ALDH3A1: variants seen among roughly 807,000 people sequenced by gnomAD.
ALDH3A1 encodes the protein aldehyde dehydrogenase, dimeric NADP-preferring.
ALDH3A1 carries 46 observed loss-of-function variants against 49.9 expected under a neutral mutation model. The ratio of observed to expected loss-of-function variants is 0.92; its 90% CI spans 0.73 to 1.18. The LOEUF (loss-of-function observed/expected upper bound fraction) is 1.18. ALDH3A1 is among the 50% of genes most tolerant of loss of function. The probability of loss-of-function intolerance (pLI) is 0.00; values close to 1 mark genes in which losing one functional copy is unlikely to be tolerated. For synonymous variants in ALDH3A1, 269 were observed against 253.3 expected (o/e 1.06, Z -0.59); for missense variants, 592 against 611.8 (o/e 0.97, Z 0.34).
intron 1 of ALDH3A1, 42 bp from the exon 2 acceptor site, chr17:19,745,176 C>A (rs1373475646): frequency 3.3e-6 from 5 of 1,520,862 alleles, no homozygotes; most frequent in African/African-American, 1.4e-5. Flanking sequence ...GGGGCACGAG[C>A]GCGCCCTGCC....
At position 19,742,032 on chromosome 17, in the gene ALDH3A1, T is replaced by G. The variant is rs990378819; in HGVS notation, c.661A>C (p.Lys221Gln). 9 of 1,613,788 alleles carry G rather than the reference T, an allele frequency of 5.6e-6. No homozygotes were observed. Among genetic ancestry groups the G allele is most frequent in the African/African-American group, 2.7e-5 (2 of 74,896 alleles). ...LGGKSPCYVD[K>Q]NCDLDVACRR... ...CAGGCCACGTCCAGGTCACAGTTCT[T>G]GTCCACGTAGCAGGGACTCTTCCCT... The change falls in exon 5 of 11, where the codon AAG becomes CAG. Residue 221 changes from lysine to glutamine, a missense_variant. By Grantham distance (53) the Lys-to-Gln change is moderately conservative (BLOSUM62 1). Transcript: ENST00000225740.
rs2086428723 is a variant in ALDH3A1, at chr17:19,738,455, T to G, written c.1217-2A>C. 1.9e-6 allele frequency: 3 copies of G among 1,609,344 alleles called. No homozygotes were observed. Among genetic ancestry groups the G allele is most frequent in the Non-Finnish European group, 2.5e-6 (3 of 1,176,504 alleles). On this transcript the variant is annotated splice_acceptor_variant, in intron 9 of 10. Transcript: ENST00000225740. LOFTEE classifies it high-confidence loss of function. ...GGTAGGATCCCATGCCGCTGTTCCC[T>G]GCGGAGGAGAAGTAAGCACAGGGCT...
intron 8 of ALDH3A1, 117 bp downstream of exon 8, chr17:19,739,391 G>A: frequency 4.0e-6 from 5 of 1,260,876 alleles, no homozygotes; most frequent in Non-Finnish European, 5.5e-6. Context: ...AAGGAGCTCA[G>A]AAAGATCCAG....
rs1199517208 is a variant in ALDH3A1 at position 19,739,619 on chromosome 17, G to C, written c.1005C>G (p.Ile335Met). Residue 335 changes from isoleucine (I) to methionine (M), a missense_variant, in exon 8 of 11, where the codon ATC (isoleucine) becomes ATG (methionine). Coordinates refer to ENST00000225740, the MANE Select transcript of ALDH3A1 (RefSeq NM_000691.5). The part of the protein sequence containing the change: ...DPQSPVMQEE[I>M]FGPVLPIVCV... ...ACACGATGGGCAGCACAGGCCCGAA[G>C]ATCTCCTCTTGCATCACCGGGGACT... 4.3e-6 allele frequency: 7 copies of C among 1,613,892 alleles called. No individual in the cohort carries two copies. Among genetic ancestry groups the C allele is most frequent in the Non-Finnish European group, 5.9e-6 (7 of 1,179,986 alleles).
At chr17:19,744,914 C>CCCCCCCCCCCCCCCCCCG in intron 2 of ALDH3A1, 54 bp downstream of exon 2, 2 of 1,196,490 alleles carry the variant, frequency 1.7e-6, no homozygotes, top group East Asian at 4.2e-5. Context: ...CCTCCCCCCA[C>CCCCCCCCCCCCCCCCCCG]GCCCCATCGC....
In ALDH3A1 at chr17:19,738,446, G is replaced by A. The variant is rs1029360979; in HGVS notation, c.1224C>T (p.Ser408=). ...TCTTGCCATGGTAGGATCCCATGCC[G>A]CTGTTCCCTGCGGAGGAGAAGTAAG... is the stretch of plus-strand genomic sequence containing the variant. ...HSLPFGGVGN[S]GMGSYHGKKS... The change falls in exon 10 of 11, where the codon AGC becomes AGT. Residue 408 remains serine, a synonymous_variant. Coordinates refer to ENST00000225740, the MANE Select transcript of ALDH3A1 (RefSeq NM_000691.5). The A allele has an allele frequency of 5.6e-6, 9 of 1,611,372 alleles. No individual in the cohort carries two copies. Among genetic ancestry groups the A allele is most frequent in the South Asian group, 3.3e-5 (3 of 91,046 alleles).
chr17:19,738,661 A>G (rs1396257344), intron 9 of ALDH3A1: 2 of 713,444 alleles, frequency 2.8e-6, no homozygotes, highest in Non-Finnish European at 4.5e-6. Context: ...AGGGTGGCCA[A>G]TGTCTAGGGT....
chr17:19,739,352 C>T (rs2086447166), intron 8 of ALDH3A1, among the ~76,000 whole-genome samples, 156 bp downstream of exon 8: 1 of 152,258 alleles, frequency 6.6e-6, no homozygotes, highest in South Asian at 2.1e-4. Context: ...TCAGGTGATG[C>T]TGCTGTCCTG....
At chr17:19,744,910 C>CCCCACGCCCCATCG in intron 2 of ALDH3A1, 58 bp downstream of exon 2, 1 of 1,067,562 alleles carries the variant, frequency 9.4e-7, no homozygotes, top group Non-Finnish European at 1.2e-6. Context: ...AGCCCCTCCC[C>CCCCACGCCCCATCG]CCACGCCCCA....
chr17:19,739,537 C>T lies in ALDH3A1; in HGVS notation c.1087G>A (p.Ala363Thr), dbSNP rs760495322. Residue 363 changes from alanine to threonine, a missense_variant, in exon 8 of 11, where the codon GCC becomes ACC. Transcript: ENST00000225740. Reference protein sequence around the residue: ...QFINQREKPLALYMFSSNDKV... With the variant: ...QFINQREKPLTLYMFSSNDKV... Reference sequence around the variant, plus strand: ...TCGTTGCTGGAGAACATGTAGAGGGCCAGGGGCTTCTCACGCTGGTTGATG... The same window carrying T: ...TCGTTGCTGGAGAACATGTAGAGGGTCAGGGGCTTCTCACGCTGGTTGATG... 1 of 1,612,448 alleles carries T rather than the reference C, an allele frequency of 6.2e-7. No individual in the cohort carries two copies. Among genetic ancestry groups the T allele is most frequent in the Non-Finnish European group, 8.5e-7 (1 of 1,179,516 alleles).
chr17:19,742,529 C>G lies in ALDH3A1; in HGVS notation c.480+16G>C, dbSNP rs1567653141. 1.9e-6 allele frequency: 3 copies of G among 1,609,858 alleles called. No homozygotes were observed. The highest frequency in any genetic ancestry group is 1.1e-5 in the South Asian group (1 of 90,728). ...TATGAGGCCATGGAGTTACGAGGCC[C>G]TGGAGGGCAACTCACCTTGTCCAGG... is the stretch of plus-strand genomic sequence containing the variant. On this transcript the variant is annotated intron_variant, in intron 4 of 10. Transcript: ENST00000225740.
chr17:19,743,271 T>G lies in ALDH3A1; in HGVS notation c.355A>C (p.Asn119His). 1 of 1,613,982 alleles carries G rather than the reference T, an allele frequency of 6.2e-7. No individual in the cohort carries two copies. Among genetic ancestry groups the G allele is most frequent in the East Asian group, 2.2e-5 (1 of 44,862 alleles). The change falls in exon 3 of 11, where the codon AAC (asparagine) becomes CAC (histidine). Residue 119 changes from asparagine to histidine, a missense_variant. Transcript: ENST00000225740. This position sits in a 1 kb window ranked among gnomAD's most constrained non-coding sequence, Gnocchi z 4.4. ...CCCACCATGGGCTGGATGGTGAGGT[T>G]GAAGGGGTAGTTCCAGGTGCCAATG... ...LVIGTWNYPF[N>H]LTIQPMVGAI... is the part of the protein sequence containing the mutation.
rs960358731 is a variant in ALDH3A1 at position 19,743,623 on chromosome 17, A to C, written c.163-160T>G. ...GGCTCCCAGGGGAAGCAGAGCCAGG[A>C]TTAGCCGTTGGACCTGTGGGTCTGA... On this transcript the variant is annotated intron_variant, in intron 2 of 10. Coordinates refer to ENST00000225740, the MANE Select transcript of ALDH3A1 (RefSeq NM_000691.5). This position sits in a 1 kb window ranked among gnomAD's most constrained non-coding sequence, Gnocchi z 4.4. The C allele has an allele frequency of 7.7e-6, 11 of 1,427,856 alleles. No homozygotes were observed. The African/African-American group carries it at 1.6e-4, about 21-fold the overall frequency. The allele number at this position is 1,427,856 out of a possible 1,614,324, so 88.4% of individuals were successfully genotyped here.
Position 19,744,962 on chromosome 17 carries a change from G to A in ALDH3A1, c.162+6C>T. 2 of 1,315,500 alleles carry A rather than the reference G, an allele frequency of 1.5e-6. No individual in the cohort carries two copies. The highest frequency in any genetic ancestry group is 2.0e-6 in the Non-Finnish European group (2 of 1,017,192). 81.5% of individuals were successfully genotyped at this position (1,315,500 alleles called of 1,614,324 possible). The stretch of plus-strand genomic sequence containing the variant: ...CTGGCAGAAGGCGGCCGCCCAGCCT[G>A]AGCACCTTGTGCAGGTCTGCGGCCA... On this transcript the variant is annotated splice_donor_region_variant and intron_variant, in intron 2 of 10. Coordinates refer to ENST00000225740, the MANE Select transcript of ALDH3A1 (RefSeq NM_000691.5).
chr17:19,739,116 T>C (rs767405009), intron 8 of ALDH3A1, 21 bp from the exon 9 acceptor site: 17 of 1,605,762 alleles, frequency 1.1e-5, no homozygotes, highest in Middle Eastern at 1.6e-4. Context: ...ACCCAGCCAC[T>C]GGCCTCAGTC....
At position 19,748,054 on chromosome 17, in the gene ALDH3A1, C is replaced by T. The variant is rs940096304; in HGVS notation, c.-6+205G>A. On this transcript the variant is annotated intron_variant, in intron 1 of 10. Coordinates refer to ENST00000225740, the MANE Select transcript of ALDH3A1 (RefSeq NM_000691.5). This position sits in a 1 kb window ranked among gnomAD's most constrained non-coding sequence, Gnocchi z 4.4. The stretch of plus-strand genomic sequence containing the variant: ...CCACGGCCACCTTGGTGTCCCTGCT[C>T]CGCGGATCCCTGGGACCTCTGCCTC... The T allele has an allele frequency of 1.3e-5, 3 of 236,922 alleles. No homozygotes were observed. The highest frequency in any genetic ancestry group is 6.7e-5 in the African/African-American group (3 of 45,104). The allele number at this position is 236,922 out of a possible 1,614,324, so 14.7% of individuals were successfully genotyped here. A position where few individuals can be genotyped will look rare whatever the true frequency, so the allele number is the denominator to read the frequency against.
At chr17:19,745,238 G>C in intron 1 of ALDH3A1, 104 bp from the exon 2 acceptor site, 1 of 1,269,842 alleles carries the variant, frequency 7.9e-7, no homozygotes, top group Non-Finnish European at 1.0e-6. Flanking sequence ...CTCGGCCTTG[G>C]GGAAAATGGC....
Position 19,743,454 on chromosome 17 carries a change from T to C in ALDH3A1, c.172A>G (p.Asn58Asp). The stretch of plus-strand genomic sequence containing the variant: ...TACACCACCTCCTCATAGTAGGCGT[T>C]CCATTCATTCTGCAGCGACAGAGCC... ...LAADLHKNEW[N>D]AYYEEVVYVL... The change falls in exon 3 of 11, where the codon AAC becomes GAC. Residue 58 changes from asparagine to aspartate, a missense_variant. Transcript: ENST00000225740. This position sits in a 1 kb window ranked among gnomAD's most constrained non-coding sequence, Gnocchi z 4.4. The C allele has an allele frequency of 6.3e-7, 1 of 1,598,048 alleles. No individual in the cohort carries two copies. The highest frequency in any genetic ancestry group is 8.5e-7 in the Non-Finnish European group (1 of 1,170,060).
chr17:19,746,043 G>C (rs985786851), intron 1 of ALDH3A1, among the ~76,000 whole-genome samples: 1 of 152,174 alleles, frequency 6.6e-6, no homozygotes, highest in African/African-American at 2.4e-5. Flanking sequence ...ATGTTTGTAG[G>C]GGCTCTCTCT....
Sources: gnomAD v4.1 joint callset for allele counts (sites outside exome capture counted in the v4.1 genomes callset) on GRCh38, gnomAD v4.1.1 for gene constraint, Gnocchi (gnomAD v3.1) non-coding constraint, MANE v1.5 for transcripts, NCBI Gene and HGNC (gene_info 2026-07-23, HGNC 2026-07-21) for gene names.